The following CLECL1 variants were observed in gnomAD, a reference collection of about 807,000 sequenced individuals.
CLECL1 encodes the protein C-type lectin-like domain family 1.
downstream of CLECL1, among the ~76,000 whole-genome samples, chr12:9,711,730 C>A (rs745963483): frequency 6.6e-6 from 1 of 152,124 alleles, no homozygotes; most frequent in African/African-American, 2.4e-5. Flanking sequence ...TACCCCAGTC[C>A]TTGTACCTCT....
chr12:9,702,440 C>T, the CLECL1 span, among the ~76,000 whole-genome samples: 5 of 152,242 alleles, frequency 3.3e-5, no homozygotes, highest in East Asian at 9.7e-4. Context: ...GGTGATGGGG[C>T]CTGTGGTTTT....
the CLECL1 span, among the ~76,000 whole-genome samples, chr12:9,703,045 A>G: frequency 2.0e-5 from 3 of 152,342 alleles, no homozygotes; most frequent in South Asian, 6.2e-4. Context: ...CAGAAATCCT[A>G]ATTACTGCAT....
intron 2 of CLECL1, among the ~76,000 whole-genome samples, chr12:9,717,149 G>A (rs1443504355): frequency 1.3e-5 from 2 of 152,226 alleles, no homozygotes; most frequent in Non-Finnish European, 2.9e-5. Context: ...GGTGGCTCAT[G>A]CCTGTAATCC....
exon 3 of CLECL1, chr12:9,716,675 A>G (rs2268146): frequency 0.5 from 348,854 of 696,528 alleles, 89,470 homozygotes; most frequent in African/African-American, 0.71. Context: ...GCCTCTTCCT[A>G]AGAAGACCCC....
At chr12:9,706,714 C>A in the CLECL1 span, among the ~76,000 whole-genome samples, 1 of 151,964 alleles carries the variant, frequency 6.6e-6, no homozygotes, top group South Asian at 2.1e-4. Context: ...CCGACTTGAT[C>A]GTGGTGAATA....
chr12:9,727,035 TATATA>T (rs1435019071), intron 3 of CLECL1, among the ~76,000 whole-genome samples: 1 of 151,680 alleles, frequency 6.6e-6, no homozygotes, highest in Non-Finnish European at 1.5e-5. Flanking sequence ...TATAAAAAGA[TATATA>T]ATATTTTAAT....
At chr12:9,719,412 G>A (rs1481050555), downstream of CLECL1, among the ~76,000 whole-genome samples, 2 of 152,226 alleles carry the variant, frequency 1.3e-5, no homozygotes. Context: ...TGTAGTCCCA[G>A]CTACTGGGGA....
chr12:9,730,263 T>C (rs1164523792), intron 1 of CLECL1, among the ~76,000 whole-genome samples: 1 of 152,218 alleles, frequency 6.6e-6, no homozygotes, highest in Non-Finnish European at 1.5e-5. Context: ...CACTTCTCAT[T>C]GCATTTGAAG....
At chr12:9,706,376 A>G in the CLECL1 span, among the ~76,000 whole-genome samples, 6 of 152,324 alleles carry the variant, frequency 3.9e-5, no homozygotes, top group East Asian at 1.2e-3. Context: ...TGCCCAGGCC[A>G]AAACTTCTAA....
chr12:9,724,713 AC>A (rs1421719576), intron 3 of CLECL1, among the ~76,000 whole-genome samples: 4 of 150,956 alleles, frequency 2.6e-5, no homozygotes, highest in Admixed American at 6.6e-5. Flanking sequence ...GAAACATATG[AC>A]ATATTTAGAA....
intron 3 of CLECL1, 66 bp from the exon 2 acceptor site, chr12:9,722,879 T>C: frequency 5.8e-6 from 7 of 1,207,712 alleles, no homozygotes; most frequent in South Asian, 1.6e-5. Flanking sequence ...GTATACTAAT[T>C]GAAGGGTCTC....
rs546750481 is a variant in CLECL1, at chr12:9,724,946, C to T, written n.263-2133G>A. Among the ~76,000 whole-genome samples, 3 of 152,240 alleles carry T rather than the reference C, an allele frequency of 2.0e-5. No homozygotes were observed. In the South Asian group the frequency reaches 6.2e-4, roughly 32 times the overall value. On this transcript the variant is annotated intron_variant and non_coding_transcript_variant, in intron 3 of 3. Coordinates refer to ENST00000621400, the Ensembl canonical transcript of CLECL1. The stretch of plus-strand genomic sequence containing the variant: ...CTTGAAAACAGTTTTTGTGCATTAC[C>T]TGCAAGAAAACAATTATACAAAAAT...
the CLECL1 span, among the ~76,000 whole-genome samples, chr12:9,710,210 A>T: frequency 6.6e-6 from 1 of 152,220 alleles, no homozygotes; most frequent in African/African-American, 2.4e-5. Context: ...TGCATACTTA[A>T]CCTTATAAAA....
the CLECL1 span, among the ~76,000 whole-genome samples, chr12:9,708,315 G>A: frequency 6.6e-6 from 1 of 152,068 alleles, no homozygotes; most frequent in Admixed American, 6.5e-5. Context: ...AAGTGAGAGG[G>A]CTCCCCATTC....
At chr12:9,705,358 T>C in the CLECL1 span, among the ~76,000 whole-genome samples, 9 of 152,234 alleles carry the variant, frequency 5.9e-5, no homozygotes, top group Admixed American at 3.3e-4. Flanking sequence ...CTGTAGGTTG[T>C]TTACTCTGTT....
At chr12:9,723,398 A>T (rs1459475665) in intron 3 of CLECL1, among the ~76,000 whole-genome samples, 1 of 151,586 alleles carries the variant, frequency 6.6e-6, no homozygotes. Context: ...CCAATAATTT[A>T]GTATTCCTGT....
downstream of CLECL1, among the ~76,000 whole-genome samples, chr12:9,711,396 C>A (rs1866199606): frequency 6.6e-6 from 1 of 152,150 alleles, no homozygotes; most frequent in Non-Finnish European, 1.5e-5. Context: ...TTTGGTCAAA[C>A]AAGCTGATTG....
At chr12:9,706,603 C>A in the CLECL1 span, among the ~76,000 whole-genome samples, 1 of 152,110 alleles carries the variant, frequency 6.6e-6, no homozygotes, top group Non-Finnish European at 1.5e-5. Context: ...TCTGCATTTA[C>A]TGAGATAAGC....
chr12:9,729,055 G>A (rs1176014849), intron 2 of CLECL1, among the ~76,000 whole-genome samples: 1 of 151,814 alleles, frequency 6.6e-6, no homozygotes, highest in African/African-American at 2.4e-5. Context: ...TTCCCCAAGC[G>A]TTTATTCAAT....
Sources: gnomAD v4.1 joint callset for allele counts (sites outside exome capture counted in the v4.1 genomes callset) on GRCh38, gnomAD v4.1.1 for gene constraint, MANE v1.5 for transcripts, NCBI Gene and HGNC (gene_info 2026-07-23, HGNC 2026-07-21) for gene names.